The following PER1 variants were observed in gnomAD, a reference collection of about 807,000 sequenced individuals.
PER1 encodes the protein period circadian protein homolog 1.
A neutral mutation model predicts 125.9 loss-of-function variants in PER1; 87 were observed. The ratio of observed to expected loss-of-function variants is 0.69; its 90% CI spans 0.58 to 0.83. The LOEUF (loss-of-function observed/expected upper bound fraction) is 0.83, where lower values mean the gene tolerates loss of function less well. Ranked by LOEUF, PER1 falls within the 40% of genes least tolerant of loss-of-function variation. PER1 has a pLI of 0.00. For synonymous variants in PER1, 801 were observed against 714.7 expected, an observed-to-expected ratio of 1.12 and a Z score of -1.93; for missense variants, 1,775 against 1,722.8, an observed-to-expected ratio of 1.03 and a Z score of -0.54.
chr17:8,150,896 A>G lies in PER1; in HGVS notation c.-139-51T>C, dbSNP rs74451852. The G allele has an allele frequency of 1.3e-3, 733 of 556,738 alleles. 4 individuals carry two copies. The highest frequency in any genetic ancestry group is 0.012 in the African/African-American group (640 of 52,938). The allele number at this position is 556,738 out of a possible 1,614,324, so 34.5% of individuals were successfully genotyped here. ...GCTTGCAGAAAGCTGGTTTAACTCC[A>G]GAGCACCTGCTGGCTTCACTCAGAC... On this transcript the variant is annotated intron_variant, in intron 1 of 22. Transcript: ENST00000317276.
chr17:8,142,881 T>G, intron 19 of PER1, 46 bp from the exon 20 acceptor site: 1 of 1,418,734 alleles, frequency 7.0e-7, no homozygotes, highest in Non-Finnish European at 9.6e-7. Context: ...GGTCAGCACC[T>G]AGGCCTCCCT....
chr17:8,143,547 G>A lies in PER1; in HGVS notation c.2791C>T (p.Pro931Ser). 2.0e-6 allele frequency: 3 copies of A among 1,502,728 alleles called. No homozygotes were observed. Among genetic ancestry groups the A allele is most frequent in the Non-Finnish European group, 2.7e-6 (3 of 1,121,188 alleles). The allele number at this position is 1,502,728 out of a possible 1,614,324, so 93.1% of individuals were successfully genotyped here. A position where few individuals can be genotyped will look rare whatever the true frequency, so the allele number is the denominator to read the frequency against. Residue 931 changes from proline to serine, a missense_variant, in exon 19 of 23, where the codon CCA (proline) becomes TCA (serine). By Grantham distance (74) the Pro-to-Ser change is moderately conservative. Transcript: ENST00000317276. ...LVLPNYLFPT[P>S]SSYPYGALQT... ...AGTGCCCCATAAGGATAGCTGGATGGGGTTGGGAACAGATAGTTAGGGAGC... is the reference window on the plus strand; with the variant it reads ...AGTGCCCCATAAGGATAGCTGGATGAGGTTGGGAACAGATAGTTAGGGAGC...
In PER1 at chr17:8,149,694, C is replaced by G. The variant is rs1167071229; in HGVS notation, c.652-31G>C. On this transcript the variant is annotated intron_variant, in intron 5 of 22. Transcript: ENST00000317276. ...AGGAGGGGGAGAGCAAGAGCAGATT[C>G]AAGAGCTGTGGGAGAAGGAGTAGGG... 8 of 1,611,116 alleles carry G rather than the reference C, an allele frequency of 5.0e-6. No homozygotes were observed. In the African/African-American group the frequency reaches 9.4e-5, roughly 19 times the overall value.
intron 6 of PER1, 54 bp from the exon 7 acceptor site, chr17:8,149,364 C>T (rs926528047): frequency 1.0e-5 from 16 of 1,606,770 alleles, no homozygotes; most frequent in African/African-American, 4.0e-5. Context: ...CCCTAGGCTG[C>T]GAAGAATCCA....
intron 7 of PER1, 133 bp from the exon 8 acceptor site, chr17:8,148,919 T>A: frequency 9.5e-7 from 1 of 1,055,892 alleles, no homozygotes; most frequent in Non-Finnish European, 1.4e-6. Flanking sequence ...CCGGGCACGG[T>A]GGCTCACGCC....
chr17:8,146,567 G>A lies in PER1; in HGVS notation c.1907+27C>T, dbSNP rs776842934. 17 of 1,602,936 alleles carry A rather than the reference G, an allele frequency of 1.1e-5. No homozygotes were observed. In the African/African-American group the frequency reaches 1.5e-4, roughly 14 times the overall value. On this transcript the variant is annotated intron_variant, in intron 15 of 22. Transcript: ENST00000317276. ...GGGGTGGGCAGGGTTAGAGCCCGAG[G>A]TGGAGAAGATGCCTGGCAGGCCTTA...
chr17:8,141,125 T>TTCC lies in PER1; in HGVS notation c.3813_3815dup (p.Glu1273dup), dbSNP rs753306867. The TTCC allele has an allele frequency of 4.3e-6, 7 of 1,614,076 alleles. No individual in the cohort carries two copies. The South Asian group carries it at 6.6e-5, about 15-fold the overall frequency. Reference sequence around the variant, plus strand: ...CTGGACTGGATGAGCTCCTGCCTTCTTCCTCCTCCTCCATAGCCAAGTCCT... The same window carrying TTCC: ...CTGGACTGGATGAGCTCCTGCCTTCTTCCTCCTCCTCCTCCATAGCCAAGTCCT... On this transcript the variant is annotated inframe_insertion, in exon 23 of 23. Coordinates refer to ENST00000317276, the MANE Select transcript of PER1 (RefSeq NM_002616.3).
chr17:8,142,437 G>C lies in PER1; in HGVS notation c.3281C>G (p.Thr1094Arg), dbSNP rs752918242. ...GTCGATGCTGCCAAAGTATTTGCTT[G>C]TGTGGCTGCTCTGGCTGCTGCCTGT... ...SITRSSQSSH[T>R]SKYFGSIDSS... Residue 1094 changes from threonine to arginine, a missense_variant, in exon 21 of 23, where the codon ACA (threonine) becomes AGA (arginine). Physicochemically the swap from Thr to Arg is moderately conservative, Grantham distance 71 (BLOSUM62 -1). Coordinates refer to ENST00000317276, the MANE Select transcript of PER1 (RefSeq NM_002616.3). The C allele has an allele frequency of 1.9e-6, 3 of 1,588,932 alleles. No individual in the cohort carries two copies. Among genetic ancestry groups the C allele is most frequent in the Non-Finnish European group, 2.6e-6 (3 of 1,166,702 alleles).
In PER1 at chr17:8,141,233, G is replaced by C. The variant is rs115419450; in HGVS notation, c.3708C>G (p.Gly1236=). The change falls in exon 23 of 23, where the codon GGC becomes GGG. Residue 1236 remains glycine, a synonymous_variant. Transcript: ENST00000317276. Reference sequence around the variant, plus strand: ...TGCCGCCACCGCTGCTGCCCTGCTCGCCTCCACCCTCTTCCATGGGCTCCA... The same window carrying C: ...TGCCGCCACCGCTGCTGCCCTGCTCCCCTCCACCCTCTTCCATGGGCTCCA... The part of the protein sequence containing the change: ...LGLEPMEEGG[G]EQGSSGGGSG... 1,381 of 1,614,112 alleles carry C rather than the reference G, an allele frequency of 8.6e-4. 16 individuals are homozygous for C. In the African/African-American group the frequency reaches 0.016, roughly 19 times the overall value.
chr17:8,150,770 C>A lies in PER1; in HGVS notation c.-64G>T. 1 of 1,444,742 alleles carries A rather than the reference C, an allele frequency of 6.9e-7. No homozygotes were observed. Among genetic ancestry groups the A allele is most frequent in the African/African-American group, 1.4e-5 (1 of 70,428 alleles). 89.5% of individuals were successfully genotyped at this position (1,444,742 alleles called of 1,614,324 possible). A position where few individuals can be genotyped will look rare whatever the true frequency, so the allele number is the denominator to read the frequency against. On this transcript the variant is annotated 5_prime_UTR_variant, in exon 2 of 23. Coordinates refer to ENST00000317276, the MANE Select transcript of PER1 (RefSeq NM_002616.3). ...AGGCCACCACGGATGCACGAGGGGG[C>A]CTGGAGGCTTGGCTGAGGGAGTGAG...
intron 18 of PER1, 163 bp downstream of exon 18, chr17:8,144,588 T>C (rs1009492809): frequency 3.3e-6 from 3 of 904,654 alleles, no homozygotes; most frequent in Admixed American, 5.2e-5. Flanking sequence ...CCCATCCTAG[T>C]GGGGAGAAGC....
chr17:8,146,881 A>T lies in PER1; in HGVS notation c.1735+16T>A. ...CCCAGGTCTGTCTCTTCACCCACACATCATCATCAACTCACCAGGGAGGCG... is the reference window on the plus strand; with the variant it reads ...CCCAGGTCTGTCTCTTCACCCACACTTCATCATCAACTCACCAGGGAGGCG... On this transcript the variant is annotated intron_variant, in intron 14 of 22. Transcript: ENST00000317276. 6.2e-7 allele frequency: 1 copy of T among 1,611,986 alleles called. No homozygotes were observed. Among genetic ancestry groups the T allele is most frequent in the Non-Finnish European group, 8.5e-7 (1 of 1,178,450 alleles).
rs1480148731 is a variant in PER1, at chr17:8,143,854, G to A, written c.2484C>T (p.Pro828=). The A allele has an allele frequency of 1.9e-6, 3 of 1,611,480 alleles. No homozygotes were observed. The highest frequency in any genetic ancestry group is 1.1e-5 in the South Asian group (1 of 90,968). ...GERGCHHGPA[P]PSRRHHCRSK... is the part of the protein sequence containing the mutation. The stretch of plus-strand genomic sequence containing the variant: ...ATCGGCAGTGGTGTCGGCGGCTTGG[G>A]GGTGCGGGGCCGTGGTGGCAGCCTG... Residue 828 remains proline, a synonymous_variant, in exon 19 of 23, where the codon CCC becomes CCT. Transcript: ENST00000317276.
chr17:8,145,323 TC>T (rs1465059727), intron 17 of PER1, among the ~76,000 whole-genome samples: 83 of 104,424 alleles, frequency 7.9e-4, no homozygotes, highest in South Asian at 3.9e-3. Context: ...TTTTCTTGTT[TC>T]TTTTTTTTTT....
intron 1 of PER1, among the ~76,000 whole-genome samples, chr17:8,151,064 T>G (rs1002967127): frequency 1.4e-4 from 21 of 152,194 alleles, no homozygotes; most frequent in Non-Finnish European, 7.4e-5. Flanking sequence ...TCACATCCCC[T>G]GCCACCATGG....
At position 8,146,759 on chromosome 17, in the gene PER1, C is replaced by G; in HGVS notation, c.1742G>C (p.Gly581Ala). 6.2e-7 allele frequency: 1 copy of G among 1,609,416 alleles called. No individual in the cohort carries two copies. The highest frequency in any genetic ancestry group is 8.5e-7 in the Non-Finnish European group (1 of 1,178,470). ...PQSRPRLPATGTFKAKALPCQ... is the reference protein window; with the variant it reads ...PQSRPRLPATATFKAKALPCQ... ...GGGAAGGGCCTTGGCCTTGAACGTG[C>G]CTGTAGCTGGGGCAAAGAGAGAAAG... Residue 581 changes from glycine (G) to alanine (A), a missense_variant, in exon 15 of 23, where the codon GGC (glycine) becomes GCC (alanine). By Grantham distance (60) the Gly-to-Ala change is moderately conservative. Transcript: ENST00000317276.
chr17:8,150,721 G>T lies in PER1; in HGVS notation c.-15C>A. On this transcript the variant is annotated 5_prime_UTR_variant, in exon 2 of 23. Transcript: ENST00000317276. ...GGGCCACTCATGTCTGGGCCATGGG[G>T]AGAACAGAACAGAGAAGGCAGAGAG... 6.5e-7 allele frequency: 1 copy of T among 1,530,654 alleles called. No homozygotes were observed. The allele number at this position is 1,530,654 out of a possible 1,614,324, so 94.8% of individuals were successfully genotyped here.
Position 8,149,646 on chromosome 17 carries a change from A to G in PER1, c.669T>C (p.Ala223=). 1 of 1,610,410 alleles carries G rather than the reference A, an allele frequency of 6.2e-7. No homozygotes were observed. Among genetic ancestry groups the G allele is most frequent in the Non-Finnish European group, 8.5e-7 (1 of 1,176,780 alleles). The change falls in exon 6 of 23, where the codon GCT becomes GCC. Residue 223 remains alanine (A), a synonymous_variant. Transcript: ENST00000317276. ...CGATTCGGCCCGTCAGGAAGGAGAC[A>G]GCCACTGAGAAGGTATCCTGGCAGG... ...TLQNQDTFSV[A]VSFLTGRIVY...
Position 8,142,402 on chromosome 17 carries a change from C to A in PER1, c.3316G>T (p.Ala1106Ser). 6.2e-7 allele frequency: 1 copy of A among 1,609,488 alleles called. No individual in the cohort carries two copies. The highest frequency in any genetic ancestry group is 8.5e-7 in the Non-Finnish European group (1 of 1,178,316). ...CCGCCCCGAGCAGCCCCAGCCTCAG[C>A]CTCGGAAGAGTCGATGCTGCCAAAG... ...KYFGSIDSSE[A>S]EAGAARGGAE... is the part of the protein sequence containing the mutation. The change falls in exon 21 of 23, where the codon GCT becomes TCT. Residue 1106 changes from alanine (A) to serine (S), a missense_variant. By Grantham distance (99) the Ala-to-Ser change is moderately conservative. Transcript: ENST00000317276.
Sources: allele counts gnomAD v4.1 joint callset (sites outside exome capture counted in the v4.1 genomes callset), GRCh38; gene constraint gnomAD v4.1.1; transcripts MANE v1.5; gene names NCBI Gene and HGNC (gene_info 2026-07-23, HGNC 2026-07-21).